The following UNC5B variants were observed in gnomAD, a reference collection of about 807,000 sequenced individuals.
UNC5B encodes netrin receptor UNC5B.
Under a neutral mutation model 103.7 loss-of-function variants are expected in UNC5B, and 56 were observed. That is an observed-to-expected ratio of 0.54 (90% CI 0.44 to 0.67). The LOEUF (loss-of-function observed/expected upper bound fraction) is 0.67. UNC5B is among the 30% of genes least tolerant of loss of function. The pLI is 0.00. For synonymous variants in UNC5B, 577 were observed against 542.0 expected, an observed-to-expected ratio of 1.06 and a Z score of -0.90; for missense variants, 1,194 against 1,284.5, an observed-to-expected ratio of 0.93 and a Z score of 1.08.
intron 1 of UNC5B, among the ~76,000 whole-genome samples, chr10:71,214,219 C>T (rs1413103742): frequency 2.0e-5 from 3 of 152,172 alleles, no homozygotes; most frequent in Non-Finnish European, 2.9e-5. Flanking sequence ...CCCTCCCCAC[C>T]TCCTACCTCC....
intron 1 of UNC5B, among the ~76,000 whole-genome samples, chr10:71,270,699 G>A (rs549087561): frequency 3.9e-5 from 6 of 152,214 alleles, no homozygotes; most frequent in African/African-American, 1.4e-4. Flanking sequence ...CCAGCAGCAC[G>A]GACTGGAAGT....
rs1281398044 is a variant in UNC5B, at chr10:71,285,333, C to T, written c.456C>T (p.Arg152=). ...CCCTCTCGCTTCTCCCAGACCTGCG[C>T]AAGAACTTCGATCAGGAGCCTCTGG... The part of the protein sequence containing the change: ...RRAYVRIAYL[R]KNFDQEPLGK... Residue 152 remains arginine, a synonymous_variant, in exon 4 of 17, where the codon CGC becomes CGT. Coordinates refer to ENST00000335350, the MANE Select transcript of UNC5B (RefSeq NM_170744.5). 4 of 1,610,152 alleles carry T rather than the reference C, an allele frequency of 2.5e-6. No individual in the cohort carries two copies. The highest frequency in any genetic ancestry group is 3.4e-6 in the Non-Finnish European group (4 of 1,178,650).
intron 1 of UNC5B, among the ~76,000 whole-genome samples, chr10:71,248,228 T>G (rs183752592): frequency 1.6e-3 from 249 of 151,818 alleles, no homozygotes; most frequent in African/African-American, 5.8e-3. Context: ...AGAAGAGGAG[T>G]TGAGCTCCCC....
At chr10:71,298,215 T>A (rs1280998938) in intron 16 of UNC5B, 125 bp downstream of exon 16, 1 of 1,154,110 alleles carries the variant, frequency 8.7e-7, no homozygotes, top group Non-Finnish European at 1.2e-6. Flanking sequence ...TTGCCACCAT[T>A]TGTGGCAAAT....
At position 71,299,144 on chromosome 10, in the gene UNC5B, C is replaced by T; in HGVS notation, c.2705C>T (p.Pro902Leu). ...YLNYFATKAS[P>L]TGVILDLWEA... The stretch of plus-strand genomic sequence containing the variant: ...AATTACTTTGCCACCAAAGCGAGCC[C>T]CACGGGTGTGATCCTGGACCTCTGG... The change falls in exon 17 of 17, where the codon CCC (proline) becomes CTC (leucine). Residue 902 changes from proline to leucine, a missense_variant. Coordinates refer to ENST00000335350, the MANE Select transcript of UNC5B (RefSeq NM_170744.5). 1.2e-6 allele frequency: 2 copies of T among 1,614,218 alleles called. No individual in the cohort carries two copies. Among genetic ancestry groups the T allele is most frequent in the Non-Finnish European group, 8.5e-7 (1 of 1,180,034 alleles).
intron 1 of UNC5B, among the ~76,000 whole-genome samples, chr10:71,255,415 T>C (rs561283934): frequency 1.3e-5 from 2 of 152,166 alleles, no homozygotes; most frequent in Non-Finnish European, 2.9e-5. Flanking sequence ...CACAGGGTGG[T>C]AAGAAGTATT....
intron 1 of UNC5B, among the ~76,000 whole-genome samples, chr10:71,229,026 G>T (rs1843628671): frequency 6.6e-6 from 1 of 152,198 alleles, no homozygotes; most frequent in African/African-American, 2.4e-5. Flanking sequence ...AATGCCCAGG[G>T]AGTGCTGGAT....
chr10:71,214,869 G>A (rs754035790), intron 1 of UNC5B, among the ~76,000 whole-genome samples: 19 of 152,264 alleles, frequency 1.2e-4, no homozygotes, highest in Non-Finnish European at 2.2e-4. Context: ...ATGGATTTGG[G>A]CACGAATGGT....
chr10:71,269,605 C>T (rs943632622), intron 1 of UNC5B, among the ~76,000 whole-genome samples: 3 of 152,054 alleles, frequency 2.0e-5, no homozygotes, highest in Non-Finnish European at 4.4e-5. Flanking sequence ...CTGCTCCCTC[C>T]CCCTCCACCT....
intron 1 of UNC5B, among the ~76,000 whole-genome samples, chr10:71,279,133 G>C (rs1482501674): frequency 6.6e-6 from 1 of 152,232 alleles, no homozygotes; most frequent in African/African-American, 2.4e-5. Flanking sequence ...TGGCTGGGGT[G>C]GGGGTTGGGA....
chr10:71,295,935 G>A lies in UNC5B; in HGVS notation c.2300G>A (p.Arg767Lys). 6.2e-7 allele frequency: 1 copy of A among 1,613,092 alleles called. No individual in the cohort carries two copies. The highest frequency in any genetic ancestry group is 8.5e-7 in the Non-Finnish European group (1 of 1,180,010). ...CATGACCTCCCCCATGCCCATTGGA[G>A]GAGCAAGCTGCTGGCCAAATACCAG... Reference protein sequence around the residue: ...SLHDLPHAHWRSKLLAKYQEI... With the variant: ...SLHDLPHAHWKSKLLAKYQEI... The change falls in exon 14 of 17, where the codon AGG becomes AAG. Residue 767 changes from arginine (R) to lysine (K), a missense_variant. Coordinates refer to ENST00000335350, the MANE Select transcript of UNC5B (RefSeq NM_170744.5).
intron 1 of UNC5B, among the ~76,000 whole-genome samples, chr10:71,227,828 C>CCTGCTGGTATTCACCT (rs1418671813): frequency 1.1e-4 from 16 of 151,050 alleles, no homozygotes; most frequent in African/African-American, 3.9e-4. Context: ...TAATAGATAC[C>CCTGCTGGTATTCACCT]CTGCTGGTAT....
intron 11 of UNC5B, among the ~76,000 whole-genome samples, chr10:71,293,192 T>C (rs928303624): frequency 3.3e-5 from 5 of 152,210 alleles, no homozygotes; most frequent in Non-Finnish European, 5.9e-5. Flanking sequence ...ATGATAATGT[T>C]GCAGTGGAAT....
At chr10:71,288,758 TG>T in intron 7 of UNC5B, 26 bp downstream of exon 7, 1 of 1,583,906 alleles carries the variant, frequency 6.3e-7, no homozygotes. Context: ...GGTGGGGCCC[TG>T]GGGGTGGGGA....
chr10:71,237,071 G>A (rs775571115), intron 1 of UNC5B, among the ~76,000 whole-genome samples: 5 of 152,216 alleles, frequency 3.3e-5, no homozygotes, highest in Non-Finnish European at 4.4e-5. Flanking sequence ...AGGAAGCACA[G>A]GTGGTGGGCA....
At chr10:71,268,442 CAGGGTCCCCAGCTGGAGATGA>C (rs1171833213) in intron 1 of UNC5B, among the ~76,000 whole-genome samples, 43 of 152,284 alleles carry the variant, frequency 2.8e-4, no homozygotes, top group Non-Finnish European at 5.0e-4. Context: ...TGTCTGGCCT[CAGGGTCCCCAGCTGGAGATGA>C]AGGGTCCCCA....
chr10:71,295,733 C>A lies in UNC5B; in HGVS notation c.2176-78C>A, dbSNP rs1261020103. The A allele has an allele frequency of 3.2e-5, 50 of 1,538,466 alleles. 1 individual carries two copies. Among genetic ancestry groups the A allele is most frequent in the Non-Finnish European group, 4.2e-5 (48 of 1,136,528 alleles). The stretch of plus-strand genomic sequence containing the variant: ...ATGCACTCAGATGGGCCCCTGCCCC[C>A]TGCCCCGCACAGTGCCACAGAAGAG... On this transcript the variant is annotated intron_variant, in intron 13 of 16. Coordinates refer to ENST00000335350, the MANE Select transcript of UNC5B (RefSeq NM_170744.5).
Position 71,213,044 on chromosome 10 carries a change from A to G in UNC5B, c.59A>G (p.Asp20Gly). The G allele has an allele frequency of 7.1e-7, 1 of 1,410,698 alleles. No homozygotes were observed. The highest frequency in any genetic ancestry group is 9.3e-7 in the Non-Finnish European group (1 of 1,075,702). The allele number at this position is 1,410,698 out of a possible 1,614,324, so 87.4% of individuals were successfully genotyped here. A position where few individuals can be genotyped will look rare whatever the true frequency, so the allele number is the denominator to read the frequency against. ...CTGCTGGCACTGCTGCTCTGCTGGG[A>G]CCCGAGGCTGAGCCAAGCAGGTAGG... The part of the protein sequence containing the change: ...ALLLALLLCW[D>G]PRLSQAGTDS... The change falls in exon 1 of 17, where the codon GAC becomes GGC. Residue 20 changes from aspartate to glycine, a missense_variant. Physicochemically the swap from Asp to Gly is moderately conservative, Grantham distance 94. Transcript: ENST00000335350. The surrounding 1 kb of genome is among the most constrained non-coding windows in gnomAD (Gnocchi z 4.1).
rs184887630 is a variant in UNC5B, at chr10:71,273,705, C to T, written c.80-6116C>T. Among the ~76,000 whole-genome samples the T allele has an allele frequency of 8.5e-5, 13 of 152,332 alleles. No homozygotes were observed. In the East Asian group the frequency reaches 2.3e-3, roughly 27 times the overall value. ...GGCCTGCTGTCCGACAAGCTCCACT[C>T]CACTCCTAGACGGGCGCCCTGTTGC... On this transcript the variant is annotated intron_variant, in intron 1 of 16. Transcript: ENST00000335350.
Sources: allele counts gnomAD v4.1 joint callset (sites outside exome capture counted in the v4.1 genomes callset), GRCh38; gene constraint gnomAD v4.1.1; non-coding constraint Gnocchi (gnomAD v3.1); transcripts MANE v1.5; gene names NCBI Gene and HGNC (gene_info 2026-07-23, HGNC 2026-07-21).